DLG2: variants seen among roughly 807,000 people sequenced by gnomAD.
DLG2 encodes the protein discs large MAGUK scaffold protein 2, also known as disks large homolog 2.
In DLG2, 45 loss-of-function variants were observed where a neutral mutation model predicts 132.5. The observed-to-expected ratio is 0.34, with a 90% CI of 0.27 to 0.44. The LOEUF (loss-of-function observed/expected upper bound fraction) is 0.44, where lower values mean the gene tolerates loss of function less well. DLG2 is among the 20% of genes least tolerant of loss of function. DLG2 has a pLI of 1.00. For missense variants in DLG2, 1,045 were observed against 1,196.9 expected (o/e 0.87, Z 1.87); for synonymous variants, 424 against 419.6 (o/e 1.01, Z -0.13).
intron 6 of DLG2, among the ~76,000 whole-genome samples, chr11:85,076,060 C>T (rs898086725): frequency 6.6e-6 from 1 of 151,930 alleles, no homozygotes; most frequent in Non-Finnish European, 1.5e-5. Flanking sequence ...TTTACTCACA[C>T]ATTAAGCTTG....
chr11:84,962,362 C>A (rs1294938436), intron 6 of DLG2, among the ~76,000 whole-genome samples: 2 of 152,224 alleles, frequency 1.3e-5, no homozygotes, highest in African/African-American at 4.8e-5. Flanking sequence ...CACTATCGGA[C>A]AGATTGTGAT....
chr11:84,858,642 CAT>C (rs2083120900), intron 6 of DLG2, among the ~76,000 whole-genome samples: 2 of 152,074 alleles, frequency 1.3e-5, no homozygotes, highest in South Asian at 2.1e-4. Context: ...TTAATTAACA[CAT>C]GAGACATGTT....
At chr11:85,138,319 T>C (rs1483930229) in intron 5 of DLG2, among the ~76,000 whole-genome samples, 1 of 152,098 alleles carries the variant, frequency 6.6e-6, no homozygotes, top group Non-Finnish European at 1.5e-5. Context: ...AAATCAAAGT[T>C]TACATAAACT....
intron 4 of DLG2, among the ~76,000 whole-genome samples, chr11:85,244,435 G>C (rs2076038758): frequency 6.6e-6 from 1 of 151,938 alleles, no homozygotes; most frequent in Non-Finnish European, 1.5e-5. Flanking sequence ...AAGTGTTTAT[G>C]CATTGGGGCA....
intron 19 of DLG2, among the ~76,000 whole-genome samples, chr11:83,568,609 C>G (rs2096747793): frequency 6.6e-6 from 1 of 151,972 alleles, no homozygotes; most frequent in African/African-American, 2.4e-5. Flanking sequence ...AAGAGTCATC[C>G]AAAGAACTAT....
intron 7 of DLG2, among the ~76,000 whole-genome samples, chr11:84,526,488 T>A (rs2099320857): frequency 6.6e-6 from 1 of 152,110 alleles, no homozygotes; most frequent in African/African-American, 2.4e-5. Context: ...TCCTTCCTGA[T>A]CTTAGGTTGC....
At chr11:83,709,023 A>G (rs1356246028) in intron 18 of DLG2, among the ~76,000 whole-genome samples, 2 of 152,082 alleles carry the variant, frequency 1.3e-5, no homozygotes, top group African/African-American at 2.4e-5. Flanking sequence ...TTAGGGGAAC[A>G]AGCAGAGTCC....
intron 6 of DLG2, among the ~76,000 whole-genome samples, chr11:84,761,722 A>G (rs1234280628): frequency 6.6e-6 from 1 of 152,136 alleles, no homozygotes. Flanking sequence ...TACAGACTGA[A>G]GGCTGCTATT....
chr11:84,781,256 A>G (rs1353116245), intron 6 of DLG2, among the ~76,000 whole-genome samples: 6 of 152,144 alleles, frequency 3.9e-5, no homozygotes, highest in South Asian at 4.1e-4. Context: ...CAGACAGTAT[A>G]TACTTCTGGA....
intron 4 of DLG2, among the ~76,000 whole-genome samples, chr11:85,174,019 G>A (rs192980483): frequency 2.6e-5 from 4 of 152,160 alleles, no homozygotes; most frequent in East Asian, 3.9e-4. Flanking sequence ...AAGAATAATA[G>A]TGGGAGACTT....
chr11:84,339,101 G>A (rs745719809), intron 7 of DLG2, among the ~76,000 whole-genome samples: 11 of 152,170 alleles, frequency 7.2e-5, no homozygotes, highest in East Asian at 1.9e-4. Flanking sequence ...GGGTTTTAGC[G>A]TTTCTTTTCT....
chr11:83,963,118 G>C (rs991579455), intron 13 of DLG2, 95 bp from the exon 14 acceptor site: 1 of 1,389,804 alleles, frequency 7.2e-7, no homozygotes, highest in South Asian at 1.3e-5. Context: ...AAACAGAAAG[G>C]CTTTGCTGCA....
rs991920602 is a variant in DLG2, at chr11:85,070,333, TAAATA to T, written c.357+41323_357+41327del. 4.0e-4 allele frequency among the ~76,000 whole-genome samples: 60 copies of T among 149,762 alleles called. 2 individuals carry two copies. The South Asian group carries it at 9.9e-3, about 25-fold the overall frequency. ...ATAAATAAATAAATAAATAAATAAA[TAAATA>T]AAAAGACCTACACTCTTATATTGAC... On this transcript the variant is annotated intron_variant, in intron 6 of 27. Coordinates refer to ENST00000376104, the MANE Select transcript of DLG2 (RefSeq NM_001142699.3).
chr11:84,885,178 G>A (rs1453007285), intron 6 of DLG2, among the ~76,000 whole-genome samples: 1 of 152,040 alleles, frequency 6.6e-6, no homozygotes, highest in African/African-American at 2.4e-5. Flanking sequence ...TCAGTACCCT[G>A]GCAAAGGTTG....
chr11:85,098,568 C>T (rs955750684), intron 6 of DLG2, among the ~76,000 whole-genome samples: 1 of 152,044 alleles, frequency 6.6e-6, no homozygotes, highest in Non-Finnish European at 1.5e-5. Context: ...AATGTAAATG[C>T]CAATACAACT....
At chr11:84,940,124 GGAGT>G (rs2049211313) in intron 6 of DLG2, among the ~76,000 whole-genome samples, 1 of 152,076 alleles carries the variant, frequency 6.6e-6, no homozygotes, top group Non-Finnish European at 1.5e-5. Flanking sequence ...CATTTTTACT[GGAGT>G]GAGATGATAT....
intron 7 of DLG2, among the ~76,000 whole-genome samples, chr11:84,369,083 T>C (rs1349060348): frequency 6.6e-6 from 1 of 152,176 alleles, no homozygotes; most frequent in Non-Finnish European, 1.5e-5. Flanking sequence ...AATTTTCAAT[T>C]TGATTGCTCC....
At chr11:85,044,381 G>C (rs1176950260) in intron 6 of DLG2, among the ~76,000 whole-genome samples, 1 of 151,930 alleles carries the variant, frequency 6.6e-6, no homozygotes, top group Non-Finnish European at 1.5e-5. Context: ...ACACTCTTTT[G>C]AGTGTGTTGT....
Position 84,111,304 on chromosome 11 carries a change from T to C in DLG2, c.625-12257A>G, listed in dbSNP as rs181166964. ...TTCAAATATCAAACTCCACCTCAAC[T>C]GCTCTCTCATGTTTTCTCCAACTGC... On this transcript the variant is annotated intron_variant, in intron 9 of 27. Transcript: ENST00000376104. Among the ~76,000 whole-genome samples the C allele has an allele frequency of 1.0e-3, 157 of 152,316 alleles. 1 individual carries two copies. Among genetic ancestry groups the C allele is most frequent in the African/African-American group, 3.4e-3 (141 of 41,572 alleles).
Sources: allele counts gnomAD v4.1 joint callset (sites outside exome capture counted in the v4.1 genomes callset), GRCh38; gene constraint gnomAD v4.1.1; transcripts MANE v1.5; gene names NCBI Gene and HGNC (gene_info 2026-07-23, HGNC 2026-07-21).